TRIM44: variants seen among roughly 807,000 people sequenced by gnomAD.
TRIM44 encodes the protein tripartite motif containing 44.
Under a neutral mutation model 37.4 loss-of-function variants are expected in TRIM44, and 13 were observed. The observed-to-expected ratio is 0.35, with a 90% CI of 0.23 to 0.55. The LOEUF is 0.55. Among genes scored for constraint, TRIM44 ranks in the 20% least tolerant of loss-of-function variants. TRIM44 has a pLI of 0.89. For synonymous variants in TRIM44, 175 were observed against 157.2 expected (o/e 1.11, Z -0.85); for missense variants, 426 against 437.2 (o/e 0.97, Z 0.23).
chr11:35,684,296 A>G (rs1174708032), intron 1 of TRIM44, among the ~76,000 whole-genome samples: 1 of 152,206 alleles, frequency 6.6e-6, no homozygotes, highest in African/African-American at 2.4e-5. Context: ...GCATGTTGTA[A>G]TGATATTTTG....
In TRIM44 at chr11:35,811,374, A is replaced by G. The variant is rs569867941; in HGVS notation, c.*4989A>G. The stretch of plus-strand genomic sequence containing the variant: ...AAATTATGTTTTCAAATAACATTAA[A>G]GTTTTAGAATTTGGATGAACTAGAA... On this transcript the variant is annotated 3_prime_UTR_variant, in exon 5 of 5. Coordinates refer to ENST00000299413, the MANE Select transcript of TRIM44 (RefSeq NM_017583.6). 2.0e-5 allele frequency: 3 copies of G among 152,338 alleles called. No homozygotes were observed. The South Asian group carries it at 6.2e-4, about 32-fold the overall frequency. The allele number at this position is 152,338 out of a possible 1,614,324, so 9.4% of individuals were successfully genotyped here. A position where few individuals can be genotyped will look rare whatever the true frequency, so the allele number is the denominator to read the frequency against.
chr11:35,779,537 A>G (rs1853030769), intron 4 of TRIM44, among the ~76,000 whole-genome samples: 1 of 152,170 alleles, frequency 6.6e-6, no homozygotes, highest in African/African-American at 2.4e-5. Context: ...TGGGAGCTGT[A>G]GACTGGAGCT....
rs796497733 is a variant in TRIM44 at position 35,744,748 on chromosome 11, A to G, written c.1007+9303A>G. 2.6e-5 allele frequency among the ~76,000 whole-genome samples: 4 copies of G among 152,130 alleles called. No individual in the cohort carries two copies. In the East Asian group the frequency reaches 7.7e-4, roughly 29 times the overall value. On this transcript the variant is annotated intron_variant, in intron 4 of 4. Transcript: ENST00000299413. The stretch of plus-strand genomic sequence containing the variant: ...ACACCCAACCCTCTGACAGGCCCCA[A>G]TTTGTGGTGTTCCCCCCATGAGTCC...
intron 2 of TRIM44, among the ~76,000 whole-genome samples, chr11:35,702,043 A>G (rs148338603): frequency 0.017 from 2,515 of 152,200 alleles, 151 homozygotes; most frequent in Admixed American, 0.12. Context: ...AAGCCTCTCA[A>G]TTTTGCAAGT....
chr11:35,724,682 T>C (rs916578312), intron 2 of TRIM44, among the ~76,000 whole-genome samples: 2 of 152,218 alleles, frequency 1.3e-5, no homozygotes, highest in Non-Finnish European at 2.9e-5. Context: ...TAAGCATAAA[T>C]ATAGCTAGCA....
At position 35,813,348 on chromosome 11, in the gene TRIM44, GAATT is replaced by G. The variant is rs1853547219; in HGVS notation, c.*6966_*6969del. 1 of 152,142 alleles carries G rather than the reference GAATT, an allele frequency of 6.6e-6. No homozygotes were observed. Among genetic ancestry groups the G allele is most frequent in the South Asian group, 2.1e-4 (1 of 4,826 alleles). 9.4% of individuals were successfully genotyped at this position (152,142 alleles called of 1,614,324 possible). A position where few individuals can be genotyped will look rare whatever the true frequency, so the allele number is the denominator to read the frequency against. On this transcript the variant is annotated 3_prime_UTR_variant, in exon 5 of 5. Coordinates refer to ENST00000299413, the MANE Select transcript of TRIM44 (RefSeq NM_017583.6). ...TGCTGAACCCATCAAAAGTGACTGA[GAATT>G]AAGAAGTAAGCAAACAAGGCTTCCA...
chr11:35,750,363 G>A (rs546562352), intron 4 of TRIM44, among the ~76,000 whole-genome samples: 1 of 152,266 alleles, frequency 6.6e-6, no homozygotes, highest in South Asian at 2.1e-4. Flanking sequence ...GTCACTTGTA[G>A]CTGTAAATGG....
intron 4 of TRIM44, among the ~76,000 whole-genome samples, chr11:35,770,795 G>T (rs945447575): frequency 1.3e-5 from 2 of 152,046 alleles, no homozygotes; most frequent in Non-Finnish European, 2.9e-5. Context: ...TTGAATTATG[G>T]GGGCAGTTTC....
At chr11:35,696,917 T>C (rs148289077) in intron 2 of TRIM44, among the ~76,000 whole-genome samples, 273 of 152,256 alleles carry the variant, frequency 1.8e-3, no homozygotes, top group African/African-American at 6.4e-3. Context: ...CATTATCTTT[T>C]AATATTACAT....
intron 4 of TRIM44, among the ~76,000 whole-genome samples, chr11:35,806,134 T>C (rs1005432493): frequency 8.5e-5 from 13 of 152,184 alleles, no homozygotes; most frequent in African/African-American, 2.9e-4. Context: ...AATCCTCTAG[T>C]AACTCAAGAA....
chr11:35,705,120 T>C (rs12284503), intron 2 of TRIM44, among the ~76,000 whole-genome samples: 3,634 of 148,072 alleles, frequency 0.025, 115 homozygotes, highest in African/African-American at 0.071. Flanking sequence ...TCCTAGTCTC[T>C]GATAAAACAG....
chr11:35,686,372 T>C (rs1851581290), intron 2 of TRIM44, among the ~76,000 whole-genome samples: 3 of 150,664 alleles, frequency 2.0e-5, no homozygotes, highest in Non-Finnish European at 4.4e-5. Context: ...GTTTTTGTTT[T>C]TGTTTTTTTT....
chr11:35,686,960 C>T (rs1851588965), intron 2 of TRIM44, among the ~76,000 whole-genome samples: 1 of 152,168 alleles, frequency 6.6e-6, no homozygotes, highest in African/African-American at 2.4e-5. Flanking sequence ...CATTCCTGCT[C>T]TCCCCTTAAA....
At chr11:35,694,363 A>C (rs1296768981) in intron 2 of TRIM44, among the ~76,000 whole-genome samples, 1 of 152,136 alleles carries the variant, frequency 6.6e-6, no homozygotes, top group African/African-American at 2.4e-5. Context: ...GTGAATTAAG[A>C]AGAGTGAATT....
chr11:35,760,181 C>A (rs1852703509), intron 4 of TRIM44, among the ~76,000 whole-genome samples: 1 of 152,220 alleles, frequency 6.6e-6, no homozygotes, highest in East Asian at 1.9e-4. Flanking sequence ...CCTACTCAAG[C>A]CTCGGTAATG....
At chr11:35,680,919 C>T (rs1324469283) in intron 1 of TRIM44, among the ~76,000 whole-genome samples, 1 of 151,842 alleles carries the variant, frequency 6.6e-6, no homozygotes, top group Non-Finnish European at 1.5e-5. Context: ...GACAGGGTCT[C>T]GTTTGTTCAT....
intron 4 of TRIM44, among the ~76,000 whole-genome samples, chr11:35,795,462 G>T (rs1052025976): frequency 6.6e-6 from 1 of 152,072 alleles, no homozygotes; most frequent in African/African-American, 2.4e-5. Context: ...TGTGCAGGGT[G>T]AGTCAATAGG....
intron 1 of TRIM44, among the ~76,000 whole-genome samples, chr11:35,668,366 C>T (rs1851354431): frequency 6.6e-6 from 1 of 152,174 alleles, no homozygotes. Context: ...TCCTTCCTCC[C>T]ACCCCCTATC....
intron 4 of TRIM44, among the ~76,000 whole-genome samples, chr11:35,741,647 C>T (rs1460781260): frequency 6.6e-6 from 1 of 152,140 alleles, no homozygotes; most frequent in Non-Finnish European, 1.5e-5. Context: ...GTTTGCCATC[C>T]GGTACAGTAG....
Sources: allele counts gnomAD v4.1 joint callset (sites outside exome capture counted in the v4.1 genomes callset), GRCh38; gene constraint gnomAD v4.1.1; transcripts MANE v1.5; gene names NCBI Gene and HGNC (gene_info 2026-07-23, HGNC 2026-07-21).